GABRG3: variants seen among roughly 807,000 people sequenced by gnomAD.
GABRG3 encodes the protein gamma-aminobutyric acid receptor subunit gamma-3.
Under a neutral mutation model 48.8 loss-of-function variants are expected in GABRG3, and 25 were observed. The ratio of observed to expected loss-of-function variants is 0.51; its 90% confidence interval spans 0.37 to 0.72. The LOEUF (loss-of-function observed/expected upper bound fraction) is 0.72, where lower values mean the gene tolerates loss of function less well. Ranked by LOEUF, GABRG3 falls within the 30% of genes least tolerant of loss-of-function variation. GABRG3 has a pLI of 0.00. For missense variants in GABRG3, 394 were observed against 577.9 expected (o/e 0.68, Z 3.26); for synonymous variants, 227 against 217.6 (o/e 1.04, Z -0.38).
Position 27,166,206 on chromosome 15 carries a change from CTAATATTCAGA to C in GABRG3, c.270+139397_270+139407del, listed in dbSNP as rs58157050. On this transcript the variant is annotated intron_variant, in intron 3 of 9. Coordinates refer to ENST00000615808, the MANE Select transcript of GABRG3 (RefSeq NM_033223.5). ...CATATGAGATAGTGAACTTTCTCAA[CTAATATTCAGA>C]TAATATTCAGAAATAACAGAGGGGA... Among the ~76,000 whole-genome samples the C allele has an allele frequency of 3.3e-3, 497 of 152,232 alleles. 3 individuals are homozygous for C. The highest frequency in any genetic ancestry group is 0.011 in the African/African-American group (475 of 41,536).
chr15:27,201,742 C>T (rs191854742), intron 3 of GABRG3, among the ~76,000 whole-genome samples: 40 of 151,960 alleles, frequency 2.6e-4, no homozygotes, highest in African/African-American at 7.5e-4. Context: ...TGTTTATAAT[C>T]GGAACAATAA....
At chr15:27,256,397 C>T (rs1006139322) in intron 3 of GABRG3, among the ~76,000 whole-genome samples, 16 of 149,394 alleles carry the variant, frequency 1.1e-4, no homozygotes, top group Admixed American at 4.0e-4. Context: ...GCCGAGATGG[C>T]GCCACTGCAC....
chr15:27,318,498 G>T (rs77291331), intron 3 of GABRG3, among the ~76,000 whole-genome samples: 4 of 152,140 alleles, frequency 2.6e-5, no homozygotes, highest in African/African-American at 7.2e-5. Flanking sequence ...AATCAGTAAG[G>T]GGAGGCCTGA....
chr15:27,308,103 T>A (rs1433206156), intron 3 of GABRG3, among the ~76,000 whole-genome samples: 1 of 129,250 alleles, frequency 7.7e-6, no homozygotes, highest in East Asian at 2.3e-4. Context: ...TATAAACATA[T>A]ATGTTTATAC....
intron 3 of GABRG3, among the ~76,000 whole-genome samples, chr15:27,247,589 G>A (rs1890307432): frequency 6.6e-6 from 1 of 152,158 alleles, no homozygotes; most frequent in Admixed American, 6.5e-5. Flanking sequence ...ATAGAAAGGA[G>A]CCCTCACTGC....
chr15:27,186,597 G>T (rs1314939715), intron 3 of GABRG3, among the ~76,000 whole-genome samples: 1 of 152,082 alleles, frequency 6.6e-6, no homozygotes, highest in Non-Finnish European at 1.5e-5. Flanking sequence ...TCTCTAAACT[G>T]CCCTTCACAG....
At chr15:27,262,178 G>A (rs1395823101) in intron 3 of GABRG3, among the ~76,000 whole-genome samples, 1 of 152,304 alleles carries the variant, frequency 6.6e-6, no homozygotes, top group South Asian at 2.1e-4. Flanking sequence ...GAAAGGTCAC[G>A]TGCACCAGGC....
intron 2 of GABRG3, among the ~76,000 whole-genome samples, chr15:27,025,639 A>G (rs1895971667): frequency 6.6e-6 from 1 of 152,140 alleles, no homozygotes; most frequent in East Asian, 1.9e-4. Flanking sequence ...CAGGGCACAG[A>G]CCAGTTTATG....
chr15:27,462,663 G>T (rs1889485000), intron 5 of GABRG3, among the ~76,000 whole-genome samples: 1 of 152,072 alleles, frequency 6.6e-6, no homozygotes, highest in African/African-American at 2.4e-5. Context: ...GATATAGAGG[G>T]TTTTTAAATA....
chr15:27,327,140 G>A (rs138616136), intron 4 of GABRG3, 111 bp downstream of exon 4: 95 of 946,878 alleles, frequency 1.0e-4, no homozygotes, highest in Admixed American at 5.5e-4. Flanking sequence ...TCTCTTTCAC[G>A]TGAGACATAC....
rs139880158 is a variant in GABRG3, at chr15:27,109,894, A to C, written c.270+83073A>C. 4.8e-3 allele frequency among the ~76,000 whole-genome samples: 702 copies of C among 145,616 alleles called. 5 individuals are homozygous for C. The highest frequency in any genetic ancestry group is 0.018 in the African/African-American group (658 of 37,452). On this transcript the variant is annotated intron_variant, in intron 3 of 9. Transcript: ENST00000615808. The stretch of plus-strand genomic sequence containing the variant: ...GAGACTGTGTCTCCAGTAAATAAAT[A>C]AATAAAATAAAATGGTTTTCTTAAA...
At chr15:27,303,564 T>G (rs1892286021) in intron 3 of GABRG3, among the ~76,000 whole-genome samples, 1 of 151,728 alleles carries the variant, frequency 6.6e-6, no homozygotes, top group African/African-American at 2.4e-5. Context: ...TTAGACTAAT[T>G]CCATAGAACC....
chr15:26,972,550 C>A (rs773463052), intron 1 of GABRG3, among the ~76,000 whole-genome samples: 1 of 152,126 alleles, frequency 6.6e-6, no homozygotes, highest in African/African-American at 2.4e-5. Context: ...GGAAGCTCAG[C>A]GTGCCCCTAT....
chr15:27,480,073 A>G (rs1890060137), intron 5 of GABRG3, among the ~76,000 whole-genome samples: 3 of 152,240 alleles, frequency 2.0e-5, no homozygotes, highest in Admixed American at 1.3e-4. Context: ...CCCAGGCAGC[A>G]GAAACACCAG....
At chr15:27,101,551 A>G (rs1452464183) in intron 3 of GABRG3, among the ~76,000 whole-genome samples, 1 of 152,198 alleles carries the variant, frequency 6.6e-6, no homozygotes, top group Non-Finnish European at 1.5e-5. Flanking sequence ...TTATATAGCT[A>G]CATAATCAAG....
intron 5 of GABRG3, among the ~76,000 whole-genome samples, chr15:27,477,742 T>C (rs1889983216): frequency 1.3e-5 from 2 of 152,028 alleles, no homozygotes; most frequent in Non-Finnish European, 2.9e-5. Context: ...AAATAAATTC[T>C]ATTAAAAAGA....
At chr15:27,000,250 A>G (rs1317954681) in intron 2 of GABRG3, among the ~76,000 whole-genome samples, 2 of 152,100 alleles carry the variant, frequency 1.3e-5, no homozygotes, top group Non-Finnish European at 2.9e-5. Flanking sequence ...TGATATTTTC[A>G]TATTCCTATA....
intron 2 of GABRG3, among the ~76,000 whole-genome samples, chr15:26,988,300 G>C (rs188992661): frequency 7.5e-4 from 114 of 152,202 alleles, no homozygotes; most frequent in African/African-American, 2.5e-3. Flanking sequence ...TTTGAGTCAT[G>C]AATTTTGAAG....
At chr15:27,212,817 A>C (rs1264391727) in intron 3 of GABRG3, among the ~76,000 whole-genome samples, 1 of 152,180 alleles carries the variant, frequency 6.6e-6, no homozygotes, top group East Asian at 1.9e-4. Flanking sequence ...ATCTCATACC[A>C]GTGGAGTCTT....
Sources: gnomAD v4.1 joint callset for allele counts (sites outside exome capture counted in the v4.1 genomes callset) on GRCh38, gnomAD v4.1.1 for gene constraint, MANE v1.5 for transcripts, NCBI Gene and HGNC (gene_info 2026-07-23, HGNC 2026-07-21) for gene names.